The following CORO2A variants were observed in gnomAD, a reference collection of about 807,000 sequenced individuals.
The protein encoded by CORO2A is coronin 2A.
Under a neutral mutation model 62.4 loss-of-function variants are expected in CORO2A, and 47 were observed. The ratio of observed to expected loss-of-function variants is 0.75; its 90% confidence interval spans 0.60 to 0.96. The LOEUF (loss-of-function observed/expected upper bound fraction) is 0.96, where lower values mean the gene tolerates loss of function less well. CORO2A is among the 40% of genes least tolerant of loss of function. CORO2A has a pLI of 0.00. For synonymous variants in CORO2A, 273 were observed against 268.9 expected (o/e 1.02, Z -0.15); for missense variants, 610 against 684.1 (o/e 0.89, Z 1.21).
At chr9:98,184,508 A>T (rs1421694124) in intron 1 of CORO2A, among the ~76,000 whole-genome samples, 1 of 152,152 alleles carries the variant, frequency 6.6e-6, no homozygotes, top group Non-Finnish European at 1.5e-5. Context: ...TCTTTCTCTT[A>T]CCGTGACATG....
chr9:98,132,079 C>T, intron 6 of CORO2A, 106 bp downstream of exon 6: 1 of 910,620 alleles, frequency 1.1e-6, no homozygotes, highest in African/African-American at 1.6e-5. Context: ...GCAGTCTACG[C>T]TAAATGTGTG....
At chr9:98,161,006 T>A (rs73498748) in intron 1 of CORO2A, among the ~76,000 whole-genome samples, 4 of 152,168 alleles carry the variant, frequency 2.6e-5, no homozygotes, top group African/African-American at 9.7e-5. Context: ...TCAGGAACCA[T>A]GTGTAGCAGA....
At chr9:98,192,451 C>G (rs1264374469) in intron 1 of CORO2A, 108 bp downstream of exon 1, 1 of 147,228 alleles carries the variant, frequency 6.8e-6, no homozygotes, top group Non-Finnish European at 1.5e-5. Context: ...CGCTCCGAGC[C>G]CCGCATCCCT....
chr9:98,173,227 C>T (rs1241308634), intron 1 of CORO2A, among the ~76,000 whole-genome samples: 2 of 152,164 alleles, frequency 1.3e-5, no homozygotes, highest in Admixed American at 1.3e-4. Flanking sequence ...TGAGAGTCTG[C>T]ACTTCCACCA....
At chr9:98,175,376 G>C (rs1828094096) in intron 1 of CORO2A, among the ~76,000 whole-genome samples, 1 of 152,146 alleles carries the variant, frequency 6.6e-6, no homozygotes, top group South Asian at 2.1e-4. Flanking sequence ...GTGAAGGAAG[G>C]GCCCCTTGAG....
At chr9:98,190,254 T>A (rs1828290845) in intron 1 of CORO2A, among the ~76,000 whole-genome samples, 1 of 152,124 alleles carries the variant, frequency 6.6e-6, no homozygotes, top group Non-Finnish European at 1.5e-5. Context: ...TAGGATAAAG[T>A]CCCCAAAGTA....
At position 98,121,548 on chromosome 9, in the gene CORO2A, C is replaced by A. The variant is rs1164988424; in HGVS notation, c.*3226G>T. On this transcript the variant is annotated 3_prime_UTR_variant, in exon 12 of 12. Coordinates refer to ENST00000375077, the MANE Select transcript of CORO2A (RefSeq NM_052820.4). The stretch of plus-strand genomic sequence containing the variant: ...TAATACAAAAAAGTTTGTTCAAAGA[C>A]ACCTGTGTCCTGTTTGTTAAGTGTG... The A allele has an allele frequency of 1.3e-5, 2 of 152,208 alleles. No homozygotes were observed. Among genetic ancestry groups the A allele is most frequent in the Admixed American group, 1.3e-4 (2 of 15,274 alleles). The allele number at this position is 152,208 out of a possible 1,614,324, so 9.4% of individuals were successfully genotyped here.
intron 6 of CORO2A, among the ~76,000 whole-genome samples, chr9:98,131,508 G>A (rs574554092): frequency 6.6e-6 from 1 of 151,998 alleles, no homozygotes; most frequent in South Asian, 2.1e-4. Context: ...TGCAGAGATG[G>A]GGGTCCTGCT....
chr9:98,155,342 A>ATTTT (rs11379239), intron 2 of CORO2A, among the ~76,000 whole-genome samples: 7 of 101,856 alleles, frequency 6.9e-5, no homozygotes, highest in East Asian at 2.9e-4. Context: ...TTATTGCTCA[A>ATTTT]TTTTTTTTTT....
At chr9:98,180,761 A>G (rs537532789) in intron 1 of CORO2A, among the ~76,000 whole-genome samples, 95 of 152,098 alleles carry the variant, frequency 6.2e-4, no homozygotes, top group African/African-American at 2.2e-3. Flanking sequence ...AGTGTCCCCA[A>G]TGATGGATCA....
At position 98,134,867 on chromosome 9, in the gene CORO2A, C is replaced by T; in HGVS notation, c.407G>A (p.Gly136Asp). ...GGCCGTGGGGTGCCACTCCACCAGG[C>T]CTACTCTGCGCGCGTGGCCCACGAG... ...KELVGHARRV[G>D]LVEWHPTAAN... Residue 136 changes from glycine (G) to aspartate (D), a missense_variant, in exon 4 of 12, where the codon GGC becomes GAC. Coordinates refer to ENST00000375077, the MANE Select transcript of CORO2A (RefSeq NM_052820.4). The T allele has an allele frequency of 6.2e-7, 1 of 1,614,168 alleles. No homozygotes were observed. The highest frequency in any genetic ancestry group is 8.5e-7 in the Non-Finnish European group (1 of 1,180,026).
At chr9:98,181,060 A>G (rs1469951338) in intron 1 of CORO2A, among the ~76,000 whole-genome samples, 1 of 152,184 alleles carries the variant, frequency 6.6e-6, no homozygotes, top group Non-Finnish European at 1.5e-5. Flanking sequence ...GGCAAACCCC[A>G]GCACTGGGTG....
chr9:98,139,045 CAAAAA>C (rs60779052), intron 2 of CORO2A, among the ~76,000 whole-genome samples: 2 of 103,362 alleles, frequency 1.9e-5, no homozygotes. Flanking sequence ...GATTCTGTCT[CAAAAA>C]AAAAAAAAAA....
intron 6 of CORO2A, 102 bp from the exon 7 acceptor site, chr9:98,131,161 T>A (rs1333510428): frequency 2.8e-6 from 2 of 720,370 alleles, no homozygotes; most frequent in African/African-American, 3.6e-5. Flanking sequence ...TGGGCGAGAG[T>A]GTGTGTGTCA....
In CORO2A at chr9:98,157,473, A is replaced by G; in HGVS notation, c.188T>C (p.Ile63Thr). The change falls in exon 2 of 12, where the codon ATC (isoleucine) becomes ACC (threonine). Residue 63 changes from isoleucine (I) to threonine (T), a missense_variant. Physicochemically the swap from Ile to Thr is moderately conservative, Grantham distance 89. Transcript: ENST00000375077. ...ECAGGGAFLVIPLHQTGKLDP... is the reference protein window; with the variant it reads ...ECAGGGAFLVTPLHQTGKLDP... ...GGGTGTCCTTACCTGGTGCAGGGGG[A>G]TGACGAGGAAGGCCCCTCCACCAGC... The G allele has an allele frequency of 7.4e-6, 12 of 1,613,774 alleles. No homozygotes were observed. The highest frequency in any genetic ancestry group is 1.0e-5 in the Non-Finnish European group (12 of 1,179,848).
intron 1 of CORO2A, among the ~76,000 whole-genome samples, chr9:98,172,164 C>G (rs1047663125): frequency 2.6e-5 from 4 of 152,038 alleles, no homozygotes; most frequent in Non-Finnish European, 4.4e-5. Context: ...GAAGGCCTGC[C>G]TGCTCCTGCA....
intron 1 of CORO2A, among the ~76,000 whole-genome samples, chr9:98,173,124 G>A (rs1423857835): frequency 6.6e-6 from 1 of 152,200 alleles, no homozygotes; most frequent in African/African-American, 2.4e-5. Context: ...GGGCAACACA[G>A]TGATTCTGTC....
At position 98,181,183 on chromosome 9, in the gene CORO2A, G is replaced by A. The variant is rs1297398757; in HGVS notation, c.-1+11376C>T. Reference sequence around the variant, plus strand: ...CCATGTTGCTTGTGTCCCCCAGCGCGACTCCCTCTGCAAGTCAGGCCATGA... The same window carrying A: ...CCATGTTGCTTGTGTCCCCCAGCGCAACTCCCTCTGCAAGTCAGGCCATGA... On this transcript the variant is annotated intron_variant, in intron 1 of 11. Transcript: ENST00000375077. 6.6e-5 allele frequency among the ~76,000 whole-genome samples: 10 copies of A among 150,938 alleles called. No individual in the cohort carries two copies. The East Asian group carries it at 7.2e-4, about 11-fold the overall frequency.
intron 1 of CORO2A, among the ~76,000 whole-genome samples, chr9:98,176,211 T>C (rs1828107340): frequency 6.6e-6 from 1 of 152,176 alleles, no homozygotes; most frequent in South Asian, 2.1e-4. Context: ...TTGTGCCCCT[T>C]ATCAACCCAT....
Sources: allele counts gnomAD v4.1 joint callset (sites outside exome capture counted in the v4.1 genomes callset), GRCh38; gene constraint gnomAD v4.1.1; transcripts MANE v1.5; gene names NCBI Gene and HGNC (gene_info 2026-07-23, HGNC 2026-07-21).